The following PRR16 variants were observed in gnomAD, a reference collection of about 807,000 sequenced individuals.
PRR16 encodes the protein protein Largen.
PRR16 carries 6 observed loss-of-function variants against 18.2 expected under a neutral mutation model. The observed-to-expected ratio is 0.33, with a 90% CI of 0.18 to 0.65. PRR16 has a LOEUF of 0.65. PRR16 is among the 30% of genes least tolerant of loss of function. The pLI, the probability that PRR16 is intolerant of heterozygous loss-of-function variation, is 0.74. For missense variants in PRR16, 412 were observed against 376.6 expected (o/e 1.09, Z -0.78); for synonymous variants, 151 against 147.8 (o/e 1.02, Z -0.16).
the PRR16 span, among the ~76,000 whole-genome samples, chr5:120,694,296 G>A: frequency 4.6e-5 from 7 of 152,114 alleles, 1 homozygote; most frequent in Admixed American, 2.6e-4. Context: ...TATCAGGTAA[G>A]CCTAATAATT....
the PRR16 span, among the ~76,000 whole-genome samples, chr5:120,704,694 A>G: frequency 2.0e-5 from 3 of 152,196 alleles, no homozygotes; most frequent in Admixed American, 2.0e-4. Context: ...ATCTCTTTAC[A>G]GTGCGCTCAG....
chr5:120,787,846 C>T, the PRR16 span, among the ~76,000 whole-genome samples: 1 of 152,082 alleles, frequency 6.6e-6, no homozygotes, highest in African/African-American at 2.4e-5. Flanking sequence ...TTTCCAGTAC[C>T]ATTAGCATAA....
rs559696958 is a variant in PRR16, at chr5:120,468,991, G to A, written c.159+4346G>A. 3.3e-5 allele frequency among the ~76,000 whole-genome samples: 5 copies of A among 152,266 alleles called. No homozygotes were observed. The South Asian group carries it at 1.0e-3, about 32-fold the overall frequency. On this transcript the variant is annotated intron_variant, in intron 1 of 1. Coordinates refer to ENST00000407149, the MANE Select transcript of PRR16 (RefSeq NM_001300783.2). ...GTTGCCTTAGAATCACTCAGTGACTGGATCTCCATTGGTGAGAAGTATGTC... is the reference window on the plus strand; with the variant it reads ...GTTGCCTTAGAATCACTCAGTGACTAGATCTCCATTGGTGAGAAGTATGTC...
intron 1 of PRR16, among the ~76,000 whole-genome samples, chr5:120,609,323 C>T (rs1225521581): frequency 6.6e-6 from 1 of 151,956 alleles, no homozygotes; most frequent in Non-Finnish European, 1.5e-5. Context: ...TTTTATCACC[C>T]CAGACAAAAA....
intron 1 of PRR16, among the ~76,000 whole-genome samples, chr5:120,537,695 A>T (rs1330116112): frequency 6.6e-6 from 1 of 152,110 alleles, no homozygotes; most frequent in Non-Finnish European, 1.5e-5. Context: ...AGACAGCAAA[A>T]AATAAATTGT....
intron 1 of PRR16, among the ~76,000 whole-genome samples, chr5:120,573,895 A>G (rs1255571420): frequency 5.6e-5 from 4 of 71,484 alleles, no homozygotes; most frequent in Admixed American, 3.5e-4. Flanking sequence ...AATTTGTATG[A>G]TATGTGTGTA....
chr5:120,687,833 T>A (rs909398323), downstream of PRR16, among the ~76,000 whole-genome samples: 1 of 152,200 alleles, frequency 6.6e-6, no homozygotes, highest in Non-Finnish European at 1.5e-5. Flanking sequence ...CTCTTCCGTC[T>A]TATCTACCAA....
intron 1 of PRR16, among the ~76,000 whole-genome samples, chr5:120,502,213 A>T (rs1750484233): frequency 1.3e-5 from 2 of 151,098 alleles, no homozygotes; most frequent in African/African-American, 2.4e-5. Context: ...AAGAGTATAC[A>T]TCAGAATATC....
At chr5:120,621,387 G>C (rs925723528) in intron 1 of PRR16, among the ~76,000 whole-genome samples, 13 of 151,918 alleles carry the variant, frequency 8.6e-5, no homozygotes, top group African/African-American at 3.1e-4. Flanking sequence ...CCTGTGATCT[G>C]TTTACCTTGT....
chr5:120,697,974 T>C, the PRR16 span, among the ~76,000 whole-genome samples: 1 of 152,200 alleles, frequency 6.6e-6, no homozygotes, highest in Non-Finnish European at 1.5e-5. Context: ...TCAGGCCATC[T>C]GGGCGTATAC....
chr5:120,509,384 A>G (rs1398455663), intron 1 of PRR16, among the ~76,000 whole-genome samples: 1 of 152,120 alleles, frequency 6.6e-6, no homozygotes, highest in Non-Finnish European at 1.5e-5. Flanking sequence ...CACCAGAAAA[A>G]GGATGGCCAA....
chr5:120,573,094 T>G (rs145590257), intron 1 of PRR16, among the ~76,000 whole-genome samples: 1 of 152,270 alleles, frequency 6.6e-6, no homozygotes, highest in East Asian at 1.9e-4. Context: ...ATTTTTGCCC[T>G]CTATTTCTGA....
At chr5:120,578,028 AAG>A (rs1454626828) in intron 1 of PRR16, among the ~76,000 whole-genome samples, 3 of 152,206 alleles carry the variant, frequency 2.0e-5, no homozygotes, top group Non-Finnish European at 4.4e-5. Context: ...AAGCAAGGAT[AAG>A]AAAAAGAATT....
the PRR16 span, among the ~76,000 whole-genome samples, chr5:120,792,979 C>CT: frequency 0.011 from 1,601 of 152,124 alleles, 22 homozygotes; most frequent in Non-Finnish European, 0.014. Flanking sequence ...ATGGTGAAAT[C>CT]CTGTCTCTAC....
At chr5:120,661,991 A>C (rs1756189505) in intron 1 of PRR16, among the ~76,000 whole-genome samples, 1 of 152,094 alleles carries the variant, frequency 6.6e-6, no homozygotes. Context: ...ACATATGTAC[A>C]TATGAGGTTC....
At chr5:120,545,225 T>C (rs973860377) in intron 1 of PRR16, among the ~76,000 whole-genome samples, 1 of 152,150 alleles carries the variant, frequency 6.6e-6, no homozygotes, top group Admixed American at 6.6e-5. Flanking sequence ...AGCATCCTTG[T>C]CTCTTCCAAA....
chr5:120,781,888 G>A, the PRR16 span, among the ~76,000 whole-genome samples: 623 of 151,862 alleles, frequency 4.1e-3, 10 homozygotes, highest in African/African-American at 0.014. Context: ...TACAAATTAT[G>A]TCCTTATTTT....
intron 1 of PRR16, among the ~76,000 whole-genome samples, chr5:120,638,684 A>T (rs1755325602): frequency 6.6e-6 from 1 of 152,080 alleles, no homozygotes; most frequent in African/African-American, 2.4e-5. Context: ...TTAAACACAG[A>T]TTCACGCACA....
At chr5:120,568,315 T>C (rs1752799204) in intron 1 of PRR16, among the ~76,000 whole-genome samples, 1 of 152,102 alleles carries the variant, frequency 6.6e-6, no homozygotes, top group Admixed American at 6.6e-5. Flanking sequence ...GAAGTACCTG[T>C]ACTGTTAAAA....
Sources: allele counts gnomAD v4.1 joint callset (sites outside exome capture counted in the v4.1 genomes callset), GRCh38; gene constraint gnomAD v4.1.1; transcripts MANE v1.5; gene names NCBI Gene and HGNC (gene_info 2026-07-23, HGNC 2026-07-21).